The following FGF14 variants were observed in gnomAD, a reference collection of about 807,000 sequenced individuals.
FGF14 encodes the protein fibroblast growth factor 14, also known as fibroblast growth factor homologous factor 4.
FGF14 carries 5 observed loss-of-function variants against 25.5 expected under a neutral mutation model. The ratio of observed to expected loss-of-function variants is 0.20; its 90% confidence interval spans 0.10 to 0.41. The LOEUF (loss-of-function observed/expected upper bound fraction) is 0.41, where lower values mean the gene tolerates loss of function less well. FGF14 is among the 10% of genes least tolerant of loss of function. FGF14 has a pLI of 1.00. For synonymous variants in FGF14, 138 were observed against 118.3 expected, an observed-to-expected ratio of 1.17 and a Z score of -1.08; for missense variants, 222 against 320.1, an observed-to-expected ratio of 0.69 and a Z score of 2.34.
chr13:102,117,131 C>A (rs1394405618), intron 1 of FGF14, among the ~76,000 whole-genome samples: 1 of 152,326 alleles, frequency 6.6e-6, no homozygotes. Context: ...CTGCTTTTCT[C>A]CTTACCTAGC....
chr13:102,005,320 T>G (rs1416743425), intron 1 of FGF14, among the ~76,000 whole-genome samples: 2 of 152,218 alleles, frequency 1.3e-5, no homozygotes, highest in East Asian at 1.9e-4. Context: ...GCTCTTGAAT[T>G]ACAGCATTCT....
At chr13:102,394,362 C>A (rs2058513106) in intron 1 of FGF14, 1 of 152,668 alleles carries the variant, frequency 6.6e-6, no homozygotes, top group Admixed American at 6.5e-5. Flanking sequence ...ACCTTGCAAA[C>A]CCGCGCCCCG....
intron 1 of FGF14, among the ~76,000 whole-genome samples, chr13:102,288,729 C>T (rs1330072294): frequency 2.0e-5 from 3 of 152,108 alleles, no homozygotes; most frequent in African/African-American, 4.8e-5. Context: ...AGGTTACAGG[C>T]GCCTGCCACA....
At chr13:102,271,535 CT>C (rs2053246147) in intron 1 of FGF14, among the ~76,000 whole-genome samples, 1 of 152,134 alleles carries the variant, frequency 6.6e-6, no homozygotes, top group Non-Finnish European at 1.5e-5. Flanking sequence ...CCCACGAATT[CT>C]TTTGGAAAGC....
chr13:102,156,192 C>G (rs184985182), intron 1 of FGF14, among the ~76,000 whole-genome samples: 1 of 152,098 alleles, frequency 6.6e-6, no homozygotes, highest in African/African-American at 2.4e-5. Flanking sequence ...CAAAGCCGGG[C>G]AGAGACACAA....
At chr13:101,954,721 T>TGC (rs556401357) in intron 1 of FGF14, among the ~76,000 whole-genome samples, 16 of 152,094 alleles carry the variant, frequency 1.1e-4, no homozygotes, top group African/African-American at 3.4e-4. Flanking sequence ...TGTGTGTGTG[T>TGC]GCTTGTGCAC....
At chr13:101,735,192 C>T (rs2036095380) in intron 3 of FGF14, among the ~76,000 whole-genome samples, 1 of 152,142 alleles carries the variant, frequency 6.6e-6, no homozygotes, top group African/African-American at 2.4e-5. Flanking sequence ...AGCCAAGGCC[C>T]ACTTGGTCTT....
chr13:102,396,937 T>A (rs148976741), intron 1 of FGF14, among the ~76,000 whole-genome samples: 1 of 152,222 alleles, frequency 6.6e-6, no homozygotes, highest in Non-Finnish European at 1.5e-5. Flanking sequence ...TAAGGCCAAC[T>A]AATACTACAT....
At chr13:102,206,929 A>G (rs758719137) in intron 1 of FGF14, among the ~76,000 whole-genome samples, 1 of 152,138 alleles carries the variant, frequency 6.6e-6, no homozygotes. Context: ...CACACCACTG[A>G]CTACCTAAAT....
rs78289030 is a variant in FGF14, at chr13:102,194,712, T to A, written c.208+206759A>T. On this transcript the variant is annotated intron_variant, in intron 1 of 4. Transcript: ENST00000376131. ...ATATTTGAGGAAACAGTAACCAAAT[T>A]TTCAAAATTTCATTTGAAAATCATT... 2.4e-3 allele frequency among the ~76,000 whole-genome samples: 367 copies of A among 152,246 alleles called. 2 individuals carry two copies. Among genetic ancestry groups the A allele is most frequent in the African/African-American group, 8.3e-3 (347 of 41,564 alleles).
Position 101,721,572 on chromosome 13 carries a change from G to GGACTC in FGF14, c.*1254_*1258dup, listed in dbSNP as rs1330992110. The GGACTC allele has an allele frequency of 5.9e-5, 9 of 152,188 alleles. No individual in the cohort carries two copies. Among genetic ancestry groups the GGACTC allele is most frequent in the South Asian group, 2.1e-4 (1 of 4,826 alleles). The allele number at this position is 152,188 out of a possible 1,614,324, so 9.4% of individuals were successfully genotyped here. On this transcript the variant is annotated 3_prime_UTR_variant, in exon 5 of 5. Transcript: ENST00000376143. Reference sequence around the variant, plus strand: ...ATGTACTGGTGAAATACACAGTACCGGACTCAGCATGCTGAGCTAAAAAAA... The same window carrying GGACTC: ...ATGTACTGGTGAAATACACAGTACCGGACTCGACTCAGCATGCTGAGCTAAAAAAA...
intron 1 of FGF14, among the ~76,000 whole-genome samples, chr13:102,015,028 C>T (rs1234448724): frequency 1.3e-5 from 2 of 152,198 alleles, no homozygotes; most frequent in Admixed American, 6.5e-5. Flanking sequence ...CTACCTCAGC[C>T]TCCCATATAG....
intron 1 of FGF14, among the ~76,000 whole-genome samples, chr13:102,303,255 C>T (rs894118917): frequency 4.6e-5 from 7 of 152,178 alleles, no homozygotes; most frequent in Admixed American, 3.3e-4. Context: ...ATTTCCTTAA[C>T]CATCCTACAC....
At chr13:102,076,052 GTT>G (rs888710355) in intron 1 of FGF14, among the ~76,000 whole-genome samples, 4 of 152,144 alleles carry the variant, frequency 2.6e-5, no homozygotes, top group African/African-American at 9.6e-5. Flanking sequence ...AAGTAAAAAA[GTT>G]ATAGTAAGAT....
intron 1 of FGF14, among the ~76,000 whole-genome samples, chr13:102,189,868 G>A (rs543296425): frequency 2.0e-5 from 3 of 152,194 alleles, no homozygotes; most frequent in South Asian, 4.2e-4. Flanking sequence ...CAGGGAGGAG[G>A]TGCCAGGCTC....
rs1026737660 is a variant in FGF14 at position 102,073,291 on chromosome 13, A to G, written c.209-197995T>C. On this transcript the variant is annotated intron_variant, in intron 1 of 4. Coordinates refer to the FGF14 transcript ENST00000376131. Reference sequence around the variant, plus strand: ...ATAAACAAAAATTAAATAAATTGTAATAAAAGATGATGGGCAGCACATTGT... The same window carrying G: ...ATAAACAAAAATTAAATAAATTGTAGTAAAAGATGATGGGCAGCACATTGT... Among the ~76,000 whole-genome samples the G allele has an allele frequency of 2.0e-4, 30 of 152,288 alleles. No individual in the cohort carries two copies. In the East Asian group the frequency reaches 5.4e-3, roughly 27 times the overall value.
chr13:102,217,174 G>C (rs2050410664), intron 1 of FGF14, among the ~76,000 whole-genome samples: 1 of 152,160 alleles, frequency 6.6e-6, no homozygotes, highest in Non-Finnish European at 1.5e-5. Context: ...ATACCCAGTA[G>C]TGAACATTCT....
At chr13:102,102,460 T>G (rs927942018) in intron 1 of FGF14, among the ~76,000 whole-genome samples, 2 of 152,200 alleles carry the variant, frequency 1.3e-5, no homozygotes, top group African/African-American at 4.8e-5. Flanking sequence ...CTCATGATGC[T>G]TATTTGTTGT....
At chr13:102,171,991 TTTATTTATTTATTTA>T (rs1375109335) in intron 1 of FGF14, among the ~76,000 whole-genome samples, 6 of 151,264 alleles carry the variant, frequency 4.0e-5, no homozygotes, top group Admixed American at 6.6e-5. Flanking sequence ...TATTTATTTA[TTTATTTATTTATTTA>T]TTTAGTAGGG....
Sources: allele counts gnomAD v4.1 joint callset (sites outside exome capture counted in the v4.1 genomes callset), GRCh38; gene constraint gnomAD v4.1.1; transcripts MANE v1.5; gene names NCBI Gene and HGNC (gene_info 2026-07-23, HGNC 2026-07-21).